Variants in CREBBP observed in about 807,000 individuals in gnomAD.
The protein encoded by CREBBP is CREB-binding protein.
A neutral mutation model predicts 265.0 loss-of-function variants in CREBBP; 19 were observed. The ratio of observed to expected loss-of-function variants is 0.07; its 90% CI spans 0.05 to 0.11. CREBBP has a LOEUF of 0.11. Among genes scored for constraint, CREBBP ranks in the 10% least tolerant of loss-of-function variants. CREBBP has a pLI of 1.00. For synonymous variants in CREBBP, 1,457 were observed against 1,223.7 expected (o/e 1.19, Z -3.98); for missense variants, 2,525 against 3,219.0 (o/e 0.78, Z 5.22).
chr16:3,760,669 G>C (rs2052696105), intron 16 of CREBBP, among the ~76,000 whole-genome samples: 3 of 151,976 alleles, frequency 2.0e-5, no homozygotes, highest in Admixed American at 1.3e-4. Context: ...CTTCCAAAGT[G>C]CTGGGATTAC....
At chr16:3,801,550 A>T (rs751030752) in intron 3 of CREBBP, among the ~76,000 whole-genome samples, 2 of 152,088 alleles carry the variant, frequency 1.3e-5, no homozygotes, top group African/African-American at 2.4e-5. Context: ...CACACCTGTA[A>T]TCCCAGCTAC....
At chr16:3,798,968 G>T (rs1320223683) in intron 3 of CREBBP, among the ~76,000 whole-genome samples, 1 of 152,128 alleles carries the variant, frequency 6.6e-6, no homozygotes, top group African/African-American at 2.4e-5. Context: ...ACAAAACACG[G>T]TGTATAACCA....
chr16:3,873,875 G>A (rs1250652892), intron 1 of CREBBP, among the ~76,000 whole-genome samples: 2 of 152,112 alleles, frequency 1.3e-5, no homozygotes, highest in African/African-American at 2.4e-5. Flanking sequence ...AAAATGATAA[G>A]AACTTTAAGG....
At chr16:3,827,677 C>T (rs1237350001) in intron 2 of CREBBP, among the ~76,000 whole-genome samples, 1 of 152,180 alleles carries the variant, frequency 6.6e-6, no homozygotes, top group African/African-American at 2.4e-5. Flanking sequence ...AGGCATAAGC[C>T]ACCATGCCTG....
chr16:3,728,249 AGCC>A lies in CREBBP; in HGVS notation c.6795_6797del (p.Ala2266del). ...CCATCTGGCCAAGCTGTCCCATCTG[AGCC>A]GCCATCTGGCCCATGGAGCTGCCCT... On this transcript the variant is annotated inframe_deletion, in exon 31 of 31. Coordinates refer to ENST00000262367, the MANE Select transcript of CREBBP (RefSeq NM_004380.3). This position sits in a 1 kb window ranked among gnomAD's most constrained non-coding sequence, Gnocchi z 8.7. The A allele has an allele frequency of 6.2e-7, 1 of 1,612,656 alleles. No homozygotes were observed. Among genetic ancestry groups the A allele is most frequent in the Non-Finnish European group, 8.5e-7 (1 of 1,179,760 alleles).
At chr16:3,860,790 A>G (rs1029505181) in intron 1 of CREBBP, among the ~76,000 whole-genome samples, 1 of 151,962 alleles carries the variant, frequency 6.6e-6, no homozygotes, top group Non-Finnish European at 1.5e-5. Context: ...CAGTGTTGTT[A>G]TTATTATTGT....
chr16:3,817,065 T>C (rs145815697), intron 2 of CREBBP, among the ~76,000 whole-genome samples: 2 of 152,338 alleles, frequency 1.3e-5, no homozygotes, highest in Non-Finnish European at 2.9e-5. Context: ...GGACAGCTAC[T>C]TTCCCATGCT....
intron 28 of CREBBP, among the ~76,000 whole-genome samples, chr16:3,732,339 C>G (rs540586335): frequency 6.6e-6 from 1 of 152,268 alleles, no homozygotes; most frequent in East Asian, 1.9e-4. Context: ...ATGAGAGCTT[C>G]CAGGAGACAG....
In CREBBP at chr16:3,727,694, G is replaced by A; in HGVS notation, c.*24C>T. 1 of 1,614,004 alleles carries A rather than the reference G, an allele frequency of 6.2e-7. No homozygotes were observed. The highest frequency in any genetic ancestry group is 1.3e-5 in the African/African-American group (1 of 75,024). ...TACAAAAGGTCCAAGAACATGAAAG[G>A]GAAAAGGTGATGCTCTCACAATGCT... On this transcript the variant is annotated 3_prime_UTR_variant, in exon 31 of 31. Coordinates refer to ENST00000262367, the MANE Select transcript of CREBBP (RefSeq NM_004380.3).
intron 2 of CREBBP, among the ~76,000 whole-genome samples, chr16:3,832,022 A>G (rs1375070921): frequency 6.6e-6 from 1 of 152,076 alleles, no homozygotes; most frequent in Non-Finnish European, 1.5e-5. Context: ...AAAGAAAAAA[A>G]AGAAAAGAGT....
chr16:3,817,767 C>T (rs553816084), intron 2 of CREBBP, among the ~76,000 whole-genome samples: 10 of 152,236 alleles, frequency 6.6e-5, no homozygotes, highest in African/African-American at 2.2e-4. Flanking sequence ...TCTTTGCAGG[C>T]CAAACTCCAC....
intron 2 of CREBBP, among the ~76,000 whole-genome samples, chr16:3,813,701 G>A (rs2053981451): frequency 6.6e-6 from 1 of 152,162 alleles, no homozygotes; most frequent in Non-Finnish European, 1.5e-5. Context: ...GAAGTCAACT[G>A]GTATTCACCA....
chr16:3,850,251 G>A, intron 2 of CREBBP, 46 bp downstream of exon 2: 1 of 1,602,932 alleles, frequency 6.2e-7, no homozygotes, highest in African/African-American at 1.3e-5. Flanking sequence ...CGGAGGGAAA[G>A]CCCGCGGTTA....
At chr16:3,849,453 GTGTGT>G (rs2054772640) in intron 2 of CREBBP, among the ~76,000 whole-genome samples, 1 of 71,730 alleles carries the variant, frequency 1.4e-5, no homozygotes, top group African/African-American at 4.1e-5. Flanking sequence ...GTGTGTGTGT[GTGTGT>G]GTGTGTGTGT....
Position 3,792,069 on chromosome 16 carries a change from T to G in CREBBP, c.1242A>C (p.Gln414His), listed in dbSNP as rs747397981. ...TGCAGTTCTTCCAATGAGAGATGAT[T>G]TGTCGTGAAGATGCACAATGGGCAA... ...CQVAHCASSR[Q>H]IISHWKNCTR... Residue 414 changes from glutamine (Q) to histidine (H), a missense_variant, in exon 5 of 31, where the codon CAA becomes CAC. Gln to His is a conservative substitution (Grantham distance 24). Around this residue, in one of 19 missense-constraint regions of CREBBP, gnomAD observed 7 missense variants for 39.8 expected, o/e 0.18. Coordinates refer to ENST00000262367, the MANE Select transcript of CREBBP (RefSeq NM_004380.3). The G allele has an allele frequency of 6.2e-7, 1 of 1,614,110 alleles. No homozygotes were observed. The highest frequency in any genetic ancestry group is 1.3e-5 in the African/African-American group (1 of 74,946).
intron 2 of CREBBP, among the ~76,000 whole-genome samples, chr16:3,813,714 T>TTTTG (rs1165568983): frequency 1.5e-4 from 23 of 152,236 alleles, no homozygotes; most frequent in Non-Finnish European, 2.6e-4. Context: ...ATTCACCAAG[T>TTTTG]GCCTGGTATG....
intron 1 of CREBBP, among the ~76,000 whole-genome samples, chr16:3,873,539 G>T (rs960904669): frequency 1.1e-4 from 17 of 152,200 alleles, no homozygotes; most frequent in African/African-American, 3.1e-4. Context: ...CTCCCAGTAA[G>T]TCCTAGGACT....
chr16:3,838,803 C>A (rs2054507965), intron 2 of CREBBP, among the ~76,000 whole-genome samples: 1 of 152,146 alleles, frequency 6.6e-6, no homozygotes, highest in South Asian at 2.1e-4. Context: ...CCCACCTCCG[C>A]CTCCCAAGTA....
At chr16:3,804,633 G>T (rs914196721) in intron 3 of CREBBP, among the ~76,000 whole-genome samples, 5 of 152,136 alleles carry the variant, frequency 3.3e-5, no homozygotes, top group Admixed American at 3.3e-4. Context: ...GGACTACTGC[G>T]GTGTATTTAC....
Sources: gnomAD v4.1 joint callset for allele counts (sites outside exome capture counted in the v4.1 genomes callset) on GRCh38, gnomAD v4.1.1 for gene constraint, gnomAD v4.1.1 regional missense constraint, Gnocchi (gnomAD v3.1) non-coding constraint, MANE v1.5 for transcripts, NCBI Gene and HGNC (gene_info 2026-07-23, HGNC 2026-07-21) for gene names.